XPO1: variants seen among roughly 807,000 people sequenced by gnomAD.
The protein encoded by XPO1 is exportin 1.
XPO1 carries 5 observed loss-of-function variants against 133.3 expected under a neutral mutation model. The observed-to-expected ratio is 0.04, with a 90% CI of 0.02 to 0.08. The LOEUF (loss-of-function observed/expected upper bound fraction) is 0.08. XPO1 is among the 10% of genes least tolerant of loss of function. XPO1 has a pLI of 1.00. For missense variants in XPO1, 506 were observed against 1,267.5 expected (o/e 0.40, Z 9.12); for synonymous variants, 419 against 408.2 (o/e 1.03, Z -0.32).
At chr2:61,483,215 ATAAT>A in intron 21 of XPO1, 124 bp from the exon 22 acceptor site, 2 of 1,021,038 alleles carry the variant, frequency 2.0e-6, no homozygotes, top group Middle Eastern at 3.3e-4. Context: ...ATGATGACTA[ATAAT>A]TACTTGCATA....
intron 4 of XPO1, among the ~76,000 whole-genome samples, chr2:61,503,746 T>G (rs1038892934): frequency 1.3e-5 from 2 of 152,190 alleles, no homozygotes; most frequent in Non-Finnish European, 1.5e-5. Context: ...TTTTGTATTT[T>G]TATAGAGACA....
Position 61,496,218 on chromosome 2 carries a change from T to C in XPO1, c.889-605A>G, listed in dbSNP as rs184992792. Among the ~76,000 whole-genome samples, 56 of 152,262 alleles carry C rather than the reference T, an allele frequency of 3.7e-4. 1 individual carries two copies. In the East Asian group the frequency reaches 0.011, roughly 29 times the overall value. ...ACATACATAGTAATCTATCTTTCCTTGTTTTTTAAAAGAGACAGGGATTTA... is the reference window on the plus strand; with the variant it reads ...ACATACATAGTAATCTATCTTTCCTCGTTTTTTAAAAGAGACAGGGATTTA... On this transcript the variant is annotated intron_variant, in intron 10 of 24. Coordinates refer to ENST00000401558, the MANE Select transcript of XPO1 (RefSeq NM_003400.4).
At chr2:61,501,588 T>TGGTAA (rs1029958046) in intron 6 of XPO1, among the ~76,000 whole-genome samples, 3 of 151,124 alleles carry the variant, frequency 2.0e-5, no homozygotes, top group African/African-American at 7.3e-5. Flanking sequence ...CCAAACGTGG[T>TGGTAA]GGTAAGCACC....
intron 2 of XPO1, among the ~76,000 whole-genome samples, chr2:61,530,952 G>T (rs1208220544): frequency 6.6e-6 from 1 of 152,098 alleles, no homozygotes; most frequent in Non-Finnish European, 1.5e-5. Flanking sequence ...TGTAATAGGT[G>T]CTTTTAAACC....
rs765656934 is a variant in XPO1, at chr2:61,482,366, A to G, written c.2972+14T>C. 55 of 1,587,604 alleles carry G rather than the reference A, an allele frequency of 3.5e-5. No homozygotes were observed. The highest frequency in any genetic ancestry group is 4.5e-5 in the Non-Finnish European group (52 of 1,167,584). ...GACCAGGAACATTCTACGTTTATTA[A>G]AAGGTATATTTACTCTTGTAGGTGA... is the stretch of plus-strand genomic sequence containing the variant. On this transcript the variant is annotated intron_variant, in intron 23 of 24. Transcript: ENST00000401558.
chr2:61,498,921 A>G lies in XPO1; in HGVS notation c.591-8T>C. 1 of 1,577,110 alleles carries G rather than the reference A, an allele frequency of 6.3e-7. No individual in the cohort carries two copies. Among genetic ancestry groups the G allele is most frequent in the Middle Eastern group, 1.7e-4 (1 of 5,796 alleles). On this transcript the variant is annotated splice_region_variant and splice_polypyrimidine_tract_variant and intron_variant, in intron 7 of 24. Transcript: ENST00000401558. ...GAGAATTCATTGCACATGCTAAAAA[A>G]AAAAACACACAAAAATATCAGATTT... is the stretch of plus-strand genomic sequence containing the variant.
intron 4 of XPO1, 116 bp downstream of exon 4, chr2:61,522,490 CAATAA>C: frequency 1.2e-6 from 1 of 804,398 alleles, no homozygotes; most frequent in Non-Finnish European, 2.0e-6. Flanking sequence ...ATGATAAAAG[CAATAA>C]GCTCCATTAG....
At position 61,490,944 on chromosome 2, in the gene XPO1, C is replaced by G. The variant is rs556958111; in HGVS notation, c.1888-168G>C. ...CCAAGGCAGGCCAATCACTTGTGGTCAGGAGTTGCAGACCAGCCTGACCAA... is the reference window on the plus strand; with the variant it reads ...CCAAGGCAGGCCAATCACTTGTGGTGAGGAGTTGCAGACCAGCCTGACCAA... On this transcript the variant is annotated intron_variant, in intron 16 of 24. Transcript: ENST00000401558. Among the ~76,000 whole-genome samples the G allele has an allele frequency of 5.9e-5, 9 of 152,290 alleles. No individual in the cohort carries two copies. In the East Asian group the frequency reaches 1.7e-3, roughly 29 times the overall value.
At chr2:61,522,974 C>T (rs1440970313) in intron 3 of XPO1, among the ~76,000 whole-genome samples, 1 of 152,198 alleles carries the variant, frequency 6.6e-6, no homozygotes, top group Non-Finnish European at 1.5e-5. Context: ...ATAGGCTTAT[C>T]TGTCGAAGGA....
chr2:61,503,476 G>A (rs561526112), intron 4 of XPO1, among the ~76,000 whole-genome samples: 1 of 151,930 alleles, frequency 6.6e-6, no homozygotes, highest in African/African-American at 2.4e-5. Context: ...CCAGGCTGGA[G>A]TGCAGTGGCG....
chr2:61,507,366 G>C (rs557725226), intron 4 of XPO1, among the ~76,000 whole-genome samples: 2 of 152,018 alleles, frequency 1.3e-5, no homozygotes, highest in East Asian at 1.9e-4. Context: ...TTGAGGAAAC[G>C]AGCTTGAGAC....
Position 61,526,603 on chromosome 2 carries a change from G to A in XPO1, c.127-82C>T. The stretch of plus-strand genomic sequence containing the variant: ...ATTAAAATGAAAACTACTGAGCAAG[G>A]CACAAATTCTAATTGGACAGAGATT... On this transcript the variant is annotated intron_variant, in intron 2 of 24. Coordinates refer to ENST00000401558, the MANE Select transcript of XPO1 (RefSeq NM_003400.4). 1.2e-5 allele frequency: 12 copies of A among 1,030,048 alleles called. No homozygotes were observed. The South Asian group carries it at 2.3e-4, about 19-fold the overall frequency. 63.8% of individuals were successfully genotyped at this position (1,030,048 alleles called of 1,614,324 possible). A position where few individuals can be genotyped will look rare whatever the true frequency, so the allele number is the denominator to read the frequency against.
chr2:61,483,554 A>T (rs1378709927), intron 21 of XPO1: 1 of 183,444 alleles, frequency 5.5e-6, no homozygotes. Context: ...CTATTGAAAT[A>T]AAAAAAGAAC....
chr2:61,514,138 G>C (rs1201146821), intron 4 of XPO1, among the ~76,000 whole-genome samples: 2 of 151,208 alleles, frequency 1.3e-5, no homozygotes, highest in Admixed American at 6.6e-5. Context: ...AGTGAGCTGA[G>C]ATTGTGCCAC....
rs1558637988 is a variant in XPO1, at chr2:61,491,455, A to ACAC, written c.1887+579_1887+580insGTG. ...GACAGAGTGAAACTCCATCTCAAAA[A>ACAC]ACAAACACACACACACACACACACA... On this transcript the variant is annotated intron_variant, in intron 16 of 24. Transcript: ENST00000401558. Among the ~76,000 whole-genome samples the ACAC allele has an allele frequency of 1.5e-3, 133 of 91,302 alleles. 1 individual carries two copies. Among genetic ancestry groups the ACAC allele is most frequent in the African/African-American group, 5.8e-3 (127 of 21,732 alleles). The allele number at this position is 91,302 out of a possible 152,430, so 59.9% of individuals were successfully genotyped here. A position where few individuals can be genotyped will look rare whatever the true frequency, so the allele number is the denominator to read the frequency against.
intron 20 of XPO1, chr2:61,485,392 TTC>T (rs1696630200): frequency 6.2e-6 from 1 of 161,458 alleles, no homozygotes; most frequent in Non-Finnish European, 1.3e-5. Context: ...CCAATCAAGA[TTC>T]TGTGTAGTAA....
rs557114257 is a variant in XPO1, at chr2:61,483,661, T to G, written c.2677+276A>C. ...CCATTTCTGAAAGCTCAGCTGATTC[T>G]ATATGAACTTCTACAACATCACTAC... On this transcript the variant is annotated intron_variant, in intron 21 of 24. Transcript: ENST00000401558. 1.1e-3 allele frequency: 342 copies of G among 301,418 alleles called. 1 individual carries two copies. The highest frequency in any genetic ancestry group is 1.7e-3 in the Non-Finnish European group (273 of 165,290). The allele number at this position is 301,418 out of a possible 1,614,324, so 18.7% of individuals were successfully genotyped here.
intron 2 of XPO1, among the ~76,000 whole-genome samples, chr2:61,527,344 T>A (rs1212434060): frequency 7.3e-6 from 1 of 136,424 alleles, no homozygotes; most frequent in East Asian, 2.3e-4. Flanking sequence ...AAAAGAAAGC[T>A]GCACATGGTG....
chr2:61,502,394 G>T, intron 4 of XPO1, 84 bp from the exon 5 acceptor site: 1 of 1,273,486 alleles, frequency 7.9e-7, no homozygotes, highest in Non-Finnish European at 1.1e-6. Context: ...ATTAATGTGG[G>T]AATGGAAAGA....
Sources: allele counts gnomAD v4.1 joint callset (sites outside exome capture counted in the v4.1 genomes callset), GRCh38; gene constraint gnomAD v4.1.1; transcripts MANE v1.5; gene names NCBI Gene and HGNC (gene_info 2026-07-23, HGNC 2026-07-21).